FRY: variants seen among roughly 807,000 people sequenced by gnomAD.
FRY encodes protein furry homolog.
Under a neutral mutation model 348.4 loss-of-function variants are expected in FRY, and 128 were observed. The ratio of observed to expected loss-of-function variants is 0.37; its 90% confidence interval spans 0.32 to 0.43. The LOEUF (loss-of-function observed/expected upper bound fraction) is 0.43. Among genes scored for constraint, FRY ranks in the 20% least tolerant of loss-of-function variants. The pLI is 1.00. For synonymous variants in FRY, 1,370 were observed against 1,374.7 expected, an observed-to-expected ratio of 1.00 and a Z score of 0.08; for missense variants, 2,736 against 3,695.2, an observed-to-expected ratio of 0.74 and a Z score of 6.73.
chr13:32,093,239 A>G (rs987107056), intron 2 of FRY, among the ~76,000 whole-genome samples: 13 of 152,198 alleles, frequency 8.5e-5, no homozygotes, highest in African/African-American at 3.1e-4. Flanking sequence ...AAAACTTACA[A>G]CAATCCCTTA....
chr13:32,137,018 G>T (rs371465525), intron 11 of FRY, 46 bp downstream of exon 11: 59 of 1,058,372 alleles, frequency 5.6e-5, no homozygotes, highest in East Asian at 4.0e-4. Context: ...AAAATTTACA[G>T]TAGTTTTTAG....
At position 32,045,976 on chromosome 13, in the gene FRY, A is replaced by G. The variant is rs185061802; in HGVS notation, c.70+14111A>G. 1.3e-3 allele frequency among the ~76,000 whole-genome samples: 205 copies of G among 152,354 alleles called. 1 individual carries two copies. Among genetic ancestry groups the G allele is most frequent in the African/African-American group, 4.7e-3 (197 of 41,584 alleles). ...GCTCAGGCAGAGGATACAACTACTT[A>G]TGAAGTGTACACACTCCAGTGATGG... On this transcript the variant is annotated intron_variant, in intron 1 of 60. Transcript: ENST00000542859.
chr13:32,239,403 C>T lies in FRY; in HGVS notation c.6516+54C>T. 1 of 1,076,388 alleles carries T rather than the reference C, an allele frequency of 9.3e-7. No homozygotes were observed. Among genetic ancestry groups the T allele is most frequent in the South Asian group, 1.2e-5 (1 of 80,314 alleles). 66.7% of individuals were successfully genotyped at this position (1,076,388 alleles called of 1,614,324 possible). A position where few individuals can be genotyped will look rare whatever the true frequency, so the allele number is the denominator to read the frequency against. On this transcript the variant is annotated intron_variant, in intron 45 of 60. Transcript: ENST00000542859. The surrounding 1 kb of genome is among the most constrained non-coding windows in gnomAD (Gnocchi z 4.3). ...GATCCATAGAGGCCTTCAGGACGCC[C>T]TAGTGTCAGGCAAATTACAAGGCCC...
At chr13:32,200,989 T>A (rs1016973774) in intron 29 of FRY, among the ~76,000 whole-genome samples, 1 of 152,162 alleles carries the variant, frequency 6.6e-6, no homozygotes, top group African/African-American at 2.4e-5. Context: ...CCAGAGTGAT[T>A]CTTCAAAAGT....
Position 32,049,676 on chromosome 13 carries a change from G to T in FRY, c.70+17811G>T, listed in dbSNP as rs577651305. On this transcript the variant is annotated intron_variant, in intron 1 of 60. Transcript: ENST00000542859. ...GACTCTGCACTGAGAATGGAGGTAG[G>T]GACAATCACTGCGAGAATGACCCAG... Among the ~76,000 whole-genome samples, 3 of 152,124 alleles carry T rather than the reference G, an allele frequency of 2.0e-5. No homozygotes were observed. In the East Asian group the frequency reaches 5.8e-4, roughly 29 times the overall value.
intron 1 of FRY, among the ~76,000 whole-genome samples, chr13:32,038,834 A>C (rs1872644677): frequency 6.6e-6 from 1 of 152,208 alleles, no homozygotes; most frequent in Non-Finnish European, 1.5e-5. Context: ...GTGTCAGAGA[A>C]GCAAGGCAAG....
At chr13:32,082,234 A>AAC (rs1555250537) in intron 2 of FRY, among the ~76,000 whole-genome samples, 2 of 151,608 alleles carry the variant, frequency 1.3e-5, no homozygotes, top group Admixed American at 6.6e-5. Context: ...AAAAAAAAAA[A>AAC]AAAACAGGAA....
chr13:32,046,821 G>A (rs957604400), intron 1 of FRY, among the ~76,000 whole-genome samples: 4 of 152,084 alleles, frequency 2.6e-5, no homozygotes, highest in Non-Finnish European at 4.4e-5. Flanking sequence ...TTTTGACCAC[G>A]AGATTCATTA....
intron 1 of FRY, among the ~76,000 whole-genome samples, chr13:32,035,714 A>G (rs184196464): frequency 1.3e-5 from 2 of 152,290 alleles, no homozygotes; most frequent in East Asian, 1.9e-4. Context: ...CCTATAACAT[A>G]TGGCAAATCT....
At chr13:32,249,330 G>A (rs1279398492) in intron 48 of FRY, among the ~76,000 whole-genome samples, 196 bp from the exon 49 acceptor site, 1 of 152,144 alleles carries the variant, frequency 6.6e-6, no homozygotes, top group Non-Finnish European at 1.5e-5. Flanking sequence ...CGCTAAAGAG[G>A]GGAGGAAATG....
chr13:32,164,786 C>G (rs751365128), intron 17 of FRY, among the ~76,000 whole-genome samples: 1 of 152,172 alleles, frequency 6.6e-6, no homozygotes, highest in Admixed American at 6.5e-5. Context: ...GGGCAGCTGT[C>G]TCCCCTTGGC....
At chr13:32,159,501 A>G (rs1881323361) in intron 16 of FRY, among the ~76,000 whole-genome samples, 2 of 152,224 alleles carry the variant, frequency 1.3e-5, no homozygotes, top group Admixed American at 1.3e-4. Context: ...ACAAGTAAAG[A>G]ATAATAAATA....
At chr13:32,061,319 A>G (rs568697656) in intron 1 of FRY, among the ~76,000 whole-genome samples, 37 of 152,334 alleles carry the variant, frequency 2.4e-4, no homozygotes, top group African/African-American at 8.4e-4. Flanking sequence ...GTTCAGAGAC[A>G]GGAGTAATGC....
At chr13:32,247,012 G>A (rs1171247527) in intron 47 of FRY, among the ~76,000 whole-genome samples, 1 of 152,086 alleles carries the variant, frequency 6.6e-6, no homozygotes, top group East Asian at 1.9e-4. Context: ...GTCATAAAAT[G>A]CATTGGGAGC....
At chr13:32,243,919 C>G in intron 46 of FRY, 123 bp from the exon 47 acceptor site, 1 of 1,054,724 alleles carries the variant, frequency 9.5e-7, no homozygotes, top group Non-Finnish European at 1.4e-6. Flanking sequence ...TAGCAAGACC[C>G]CATCTCCTAA....
chr13:32,287,869 A>C, intron 58 of FRY: 1 of 1,355,088 alleles, frequency 7.4e-7, no homozygotes, highest in Non-Finnish European at 9.9e-7. Flanking sequence ...CTGTGTAGCA[A>C]ATGGAATCTC....
intron 39 of FRY, among the ~76,000 whole-genome samples, chr13:32,228,212 A>T (rs1035119059): frequency 6.6e-6 from 1 of 152,214 alleles, no homozygotes; most frequent in African/African-American, 2.4e-5. Flanking sequence ...AAAATAGCAG[A>T]GTAGAAAGCA....
chr13:32,065,085 T>A (rs1874172728), intron 1 of FRY, among the ~76,000 whole-genome samples: 1 of 152,216 alleles, frequency 6.6e-6, no homozygotes, highest in African/African-American at 2.4e-5. Context: ...TTTTTCAAAT[T>A]GAGGTTCTAA....
chr13:32,276,845 TACA>T (rs1888560604), intron 57 of FRY, among the ~76,000 whole-genome samples: 1 of 152,260 alleles, frequency 6.6e-6, no homozygotes. Flanking sequence ...TTACCAAAGT[TACA>T]ACTTTTCTCA....
Sources: allele counts gnomAD v4.1 joint callset (sites outside exome capture counted in the v4.1 genomes callset), GRCh38; gene constraint gnomAD v4.1.1; non-coding constraint Gnocchi (gnomAD v3.1); transcripts MANE v1.5; gene names NCBI Gene and HGNC (gene_info 2026-07-23, HGNC 2026-07-21).